OR4A16: variants seen among roughly 807,000 people sequenced by gnomAD.
OR4A16 encodes the protein olfactory receptor 4A16.
For missense variants in OR4A16, 594 were observed against 390.9 expected, an observed-to-expected ratio of 1.52 and a Z score of -4.38; for synonymous variants, 210 against 138.6, an observed-to-expected ratio of 1.51 and a Z score of -3.62.
In OR4A16 at chr11:55,343,399, A is replaced by G. The variant is rs780587336; in HGVS notation, c.199A>G (p.Met67Val). 66 of 1,613,698 alleles carry G rather than the reference A, an allele frequency of 4.1e-5. No homozygotes were observed. The highest frequency in any genetic ancestry group is 5.3e-5 in the Non-Finnish European group (63 of 1,179,838). The change falls in exon 1 of 1, where the codon ATG becomes GTG. Residue 67 changes from methionine (M) to valine (V), a missense_variant. Transcript: ENST00000314721. ...CTTCTTCCTTGCCTACTTGTCACTT[A>G]TGGATGCCATATATTCCACTGCCAT... is the stretch of plus-strand genomic sequence containing the variant. ...MYFFLAYLSL[M>V]DAIYSTAMSP...
rs10896659 is a variant in OR4A16, at chr11:55,344,108, A to T, written c.908A>T (p.Lys303Met). The change falls in exon 1 of 1, where the codon AAG becomes ATG. Residue 303 changes from lysine (K) to methionine (M), a missense_variant. Lys to Met is a moderately conservative substitution (Grantham distance 95, BLOSUM62 -1). Coordinates refer to ENST00000314721, the MANE Select transcript of OR4A16 (RefSeq NM_001005274.1). ...GCTATGAAAAATCTCTGGTGTGAAA[A>T]GTTAAGTATAGTTAGAAAAAGAGTA... ...KNAMKNLWCE[K>M]LSIVRKRVSP... The T allele has an allele frequency of 0.47, 757,663 of 1,607,748 alleles. 182,621 individuals are homozygous for T. Among genetic ancestry groups the T allele is most frequent in the Admixed American group, 0.59 (35,287 of 59,858 alleles).
Position 55,344,081 on chromosome 11 carries a change from A to C in OR4A16, c.881A>C (p.Asn294Thr), listed in dbSNP as rs1158781738. 1.2e-6 allele frequency: 2 copies of C among 1,612,172 alleles called. No homozygotes were observed. The highest frequency in any genetic ancestry group is 4.5e-5 in the East Asian group (2 of 44,670). ...IYSLRQSEMKNAMKNLWCEKL... is the reference protein window; with the variant it reads ...IYSLRQSEMKTAMKNLWCEKL... Reference sequence around the variant, plus strand: ...TCGTTGAGACAATCAGAGATGAAAAATGCTATGAAAAATCTCTGGTGTGAA... The same window carrying C: ...TCGTTGAGACAATCAGAGATGAAAACTGCTATGAAAAATCTCTGGTGTGAA... The change falls in exon 1 of 1, where the codon AAT (asparagine) becomes ACT (threonine). Residue 294 changes from asparagine to threonine, a missense_variant. Physicochemically the swap from Asn to Thr is moderately conservative, Grantham distance 65. Transcript: ENST00000314721.
At position 55,343,344 on chromosome 11, in the gene OR4A16, T is replaced by C; in HGVS notation, c.144T>C (p.Ile48=). ...VGNLLIWVTT[I]GSPSLGSLMY... ...ACCTCCTCATTTGGGTGACTACTAT[T>C]GGCAGCCCCTCCTTGGGCTCCCTAA... The change falls in exon 1 of 1, where the codon ATT becomes ATC. Residue 48 remains isoleucine (I), a synonymous_variant. Coordinates refer to ENST00000314721, the MANE Select transcript of OR4A16 (RefSeq NM_001005274.1). 1 of 1,613,842 alleles carries C rather than the reference T, an allele frequency of 6.2e-7. No homozygotes were observed. The highest frequency in any genetic ancestry group is 8.5e-7 in the Non-Finnish European group (1 of 1,179,844).
Position 55,343,285 on chromosome 11 carries a change from T to A in OR4A16, c.85T>A (p.Phe29Ile), listed in dbSNP as rs76944329. The A allele has an allele frequency of 6.3e-7, 1 of 1,591,542 alleles. No individual in the cohort carries two copies. The highest frequency in any genetic ancestry group is 8.6e-7 in the Non-Finnish European group (1 of 1,163,300). The change falls in exon 1 of 1, where the codon TTT (phenylalanine) becomes ATT (isoleucine). Residue 29 changes from phenylalanine (F) to isoleucine (I), a missense_variant. Coordinates refer to ENST00000314721, the MANE Select transcript of OR4A16 (RefSeq NM_001005274.1). ...TGTGAAAAAAACATTATTTGTCATGTTTTTACTCATATACATTGTGACAAT... is the reference window on the plus strand; with the variant it reads ...TGTGAAAAAAACATTATTTGTCATGATTTTACTCATATACATTGTGACAAT... ...PDVKKTLFVM[F>I]LLIYIVTMVG...
In OR4A16 at chr11:55,343,994, T is replaced by C. The variant is rs745374192; in HGVS notation, c.794T>C (p.Phe265Ser). 5.0e-6 allele frequency: 8 copies of C among 1,613,446 alleles called. No individual in the cohort carries two copies. In the Admixed American group the frequency reaches 6.7e-5, roughly 13 times the overall value. The change falls in exon 1 of 1, where the codon TTT becomes TCT. Residue 265 changes from phenylalanine (F) to serine (S), a missense_variant. Coordinates refer to ENST00000314721, the MANE Select transcript of OR4A16 (RefSeq NM_001005274.1). ...GTTAGACCCGTTTCCAACTTTCCCT[T>C]TGATAAATTAATGACTGTGTTTTAT... ...MYVRPVSNFPFDKLMTVFYSI... is the reference protein window; with the variant it reads ...MYVRPVSNFPSDKLMTVFYSI...
In OR4A16 at chr11:55,343,454, G is replaced by T. The variant is rs142852989; in HGVS notation, c.254G>T (p.Cys85Phe). Residue 85 changes from cysteine to phenylalanine, a missense_variant, in exon 1 of 1, where the codon TGT becomes TTT. Cys to Phe is a radical substitution (Grantham distance 205). Coordinates refer to ENST00000314721, the MANE Select transcript of OR4A16 (RefSeq NM_001005274.1). ...MSPKLMIDLL[C>F]DKIAISLSAC... ...CCCAAATTGATGATAGACTTACTCT[G>T]TGATAAAATCGCTATTTCCTTGTCA... 20,213 of 1,547,526 alleles carry T rather than the reference G, an allele frequency of 0.013. No homozygotes were observed. Among genetic ancestry groups the T allele is most frequent in the African/African-American group, 0.035 (2,534 of 72,634 alleles).
rs201845728 is a variant in OR4A16 at position 55,343,371 on chromosome 11, G to A, written c.171G>A (p.Met57Ile). The A allele has an allele frequency of 2.5e-5, 40 of 1,613,828 alleles. No homozygotes were observed. The highest frequency in any genetic ancestry group is 3.1e-5 in the Non-Finnish European group (36 of 1,179,856). Residue 57 changes from methionine to isoleucine, a missense_variant, in exon 1 of 1, where the codon ATG becomes ATA. Coordinates refer to ENST00000314721, the MANE Select transcript of OR4A16 (RefSeq NM_001005274.1). The stretch of plus-strand genomic sequence containing the variant: ...GCAGCCCCTCCTTGGGCTCCCTAAT[G>A]TACTTCTTCCTTGCCTACTTGTCAC... ...TIGSPSLGSL[M>I]YFFLAYLSLM...
rs748490235 is a variant in OR4A16 at position 55,343,814 on chromosome 11, G to A, written c.614G>A (p.Cys205Tyr). ...LTVVANGGIICMVIFTFLLIS... is the reference protein window; with the variant it reads ...LTVVANGGIIYMVIFTFLLIS... ...GTGGTTGCCAATGGTGGAATAATTT[G>A]TATGGTCATCTTTACCTTTCTGCTA... Residue 205 changes from cysteine (C) to tyrosine (Y), a missense_variant, in exon 1 of 1, where the codon TGT becomes TAT. Physicochemically the swap from Cys to Tyr is radical, Grantham distance 194. Transcript: ENST00000314721. The A allele has an allele frequency of 6.2e-7, 1 of 1,613,708 alleles. No homozygotes were observed. The highest frequency in any genetic ancestry group is 1.7e-5 in the Admixed American group (1 of 59,968).
At position 55,344,061 on chromosome 11, in the gene OR4A16, G is replaced by A; in HGVS notation, c.861G>A (p.Leu287=). The change falls in exon 1 of 1, where the codon TTG becomes TTA. Residue 287 remains leucine, a synonymous_variant. Transcript: ENST00000314721. Reference sequence around the variant, plus strand: ...TGTTGAATCCTTTAATATACTCGTTGAGACAATCAGAGATGAAAAATGCTA... The same window carrying A: ...TGTTGAATCCTTTAATATACTCGTTAAGACAATCAGAGATGAAAAATGCTA... ...TLMLNPLIYS[L]RQSEMKNAMK... is the part of the protein sequence containing the mutation. The A allele has an allele frequency of 6.2e-7, 1 of 1,612,406 alleles. No homozygotes were observed. The highest frequency in any genetic ancestry group is 1.1e-5 in the South Asian group (1 of 91,046).
Position 55,343,797 on chromosome 11 carries a change from C to A in OR4A16, c.597C>A (p.Ala199=). ...DTYFIGLTVV[A]NGGIICMVIF... ...ACTTTATAGGACTCACTGTGGTTGC[C>A]AATGGTGGAATAATTTGTATGGTCA... The change falls in exon 1 of 1, where the codon GCC becomes GCA. Residue 199 remains alanine, a synonymous_variant. Transcript: ENST00000314721. The A allele has an allele frequency of 1.2e-6, 2 of 1,613,748 alleles. No individual in the cohort carries two copies. The highest frequency in any genetic ancestry group is 1.7e-6 in the Non-Finnish European group (2 of 1,179,862).
At position 55,343,846 on chromosome 11, in the gene OR4A16, T is replaced by A; in HGVS notation, c.646T>A (p.Cys216Ser). The change falls in exon 1 of 1, where the codon TGT becomes AGT. Residue 216 changes from cysteine to serine, a missense_variant. Transcript: ENST00000314721. ...CATCTTTACCTTTCTGCTAATCTCC[T>A]GTGGAGTCATCCTAAACTTCCTTAA... ...MVIFTFLLIS[C>S]GVILNFLKTY... 6.2e-7 allele frequency: 1 copy of A among 1,613,818 alleles called. No homozygotes were observed. Among genetic ancestry groups the A allele is most frequent in the Non-Finnish European group, 8.5e-7 (1 of 1,179,886 alleles).
Position 55,343,333 on chromosome 11 carries a change from G to A in OR4A16, c.133G>A (p.Val45Met). The A allele has an allele frequency of 1.2e-6, 2 of 1,613,726 alleles. No homozygotes were observed. Among genetic ancestry groups the A allele is most frequent in the Non-Finnish European group, 1.7e-6 (2 of 1,179,852 alleles). ...AATGGTGGGAAACCTCCTCATTTGG[G>A]TGACTACTATTGGCAGCCCCTCCTT... ...VTMVGNLLIW[V>M]TTIGSPSLGS... is the part of the protein sequence containing the mutation. The change falls in exon 1 of 1, where the codon GTG (valine) becomes ATG (methionine). Residue 45 changes from valine to methionine, a missense_variant. By Grantham distance (21) the Val-to-Met change is conservative. Coordinates refer to ENST00000314721, the MANE Select transcript of OR4A16 (RefSeq NM_001005274.1).
chr11:55,343,239 G>A lies in OR4A16; in HGVS notation c.39G>A (p.Leu13=), dbSNP rs77981146. 14,699 of 1,579,628 alleles carry A rather than the reference G, an allele frequency of 9.3e-3. 1 individual carries two copies. Among genetic ancestry groups the A allele is most frequent in the African/African-American group, 0.03 (2,215 of 73,120 alleles). The part of the protein sequence containing the change: ...PSSNVTEFVL[L]GLTQDPDVKK... ...GCAATGTTACAGAATTTGTCCTCCT[G>A]GGCCTCACTCAAGATCCTGATGTGA... Residue 13 remains leucine (L), a synonymous_variant, in exon 1 of 1, where the codon CTG becomes CTA. Transcript: ENST00000314721.
At position 55,343,293 on chromosome 11, in the gene OR4A16, C is replaced by T. The variant is rs1853448851; in HGVS notation, c.93C>T (p.Leu31=). The change falls in exon 1 of 1, where the codon CTC becomes CTT. Residue 31 remains leucine, a synonymous_variant. Transcript: ENST00000314721. ...VKKTLFVMFL[L]IYIVTMVGNL... The stretch of plus-strand genomic sequence containing the variant: ...AAACATTATTTGTCATGTTTTTACT[C>T]ATATACATTGTGACAATGGTGGGAA... The T allele has an allele frequency of 1.9e-6, 3 of 1,613,500 alleles. No individual in the cohort carries two copies. The highest frequency in any genetic ancestry group is 1.7e-5 in the Admixed American group (1 of 59,948).
Position 55,344,158 on chromosome 11 carries a change from C to G in OR4A16, c.958C>G (p.Pro320Ala), listed in dbSNP as rs78935813. 20 of 1,584,720 alleles carry G rather than the reference C, an allele frequency of 1.3e-5. No homozygotes were observed. Among genetic ancestry groups the G allele is most frequent in the Non-Finnish European group, 8.5e-7 (1 of 1,171,410 alleles). Residue 320 changes from proline (P) to alanine (A), a missense_variant, in exon 1 of 1, where the codon CCT (proline) becomes GCT (alanine). By Grantham distance (27) the Pro-to-Ala change is conservative (BLOSUM62 -1). Coordinates refer to ENST00000314721, the MANE Select transcript of OR4A16 (RefSeq NM_001005274.1). The part of the protein sequence containing the change: ...RVSPTLNIFI[P>A]SSKATNRR ...ATCTCCCACACTGAACATATTTATT[C>G]CTAGTTCTAAGGCAACAAATAGGCG...
Position 55,343,908 on chromosome 11 carries a change from T to G in OR4A16, c.708T>G (p.Pro236=), listed in dbSNP as rs1203508932. The change falls in exon 1 of 1, where the codon CCT becomes CCG. Residue 236 remains proline (P), a synonymous_variant. Coordinates refer to ENST00000314721, the MANE Select transcript of OR4A16 (RefSeq NM_001005274.1). ...AGGAAGAGAGGCATAAAGCCCTGCC[T>G]ACCTGCATCTCCCACATCATTGTGG... ...YSQEERHKAL[P]TCISHIIVVA... 6.2e-7 allele frequency: 1 copy of G among 1,613,824 alleles called. No homozygotes were observed. Among genetic ancestry groups the G allele is most frequent in the South Asian group, 1.1e-5 (1 of 91,078 alleles).
Position 55,343,263 on chromosome 11 carries a change from G to T in OR4A16, c.63G>T (p.Val21=). The T allele has an allele frequency of 6.3e-7, 1 of 1,598,402 alleles. No individual in the cohort carries two copies. The highest frequency in any genetic ancestry group is 8.6e-7 in the Non-Finnish European group (1 of 1,169,456). The part of the protein sequence containing the change: ...VLLGLTQDPD[V]KKTLFVMFLL... ...TGGGCCTCACTCAAGATCCTGATGT[G>T]AAAAAAACATTATTTGTCATGTTTT... The change falls in exon 1 of 1, where the codon GTG becomes GTT. Residue 21 remains valine, a synonymous_variant. Coordinates refer to ENST00000314721, the MANE Select transcript of OR4A16 (RefSeq NM_001005274.1).
rs1853471515 is a variant in OR4A16, at chr11:55,344,026, A to G, written c.826A>G (p.Ile276Val). The change falls in exon 1 of 1, where the codon ATC becomes GTC. Residue 276 changes from isoleucine to valine, a missense_variant. Ile to Val is a conservative substitution (Grantham distance 29). Transcript: ENST00000314721. ...ATTAATGACTGTGTTTTATTCAATT[A>G]TCACACTCATGTTGAATCCTTTAAT... ...DKLMTVFYSI[I>V]TLMLNPLIYS... The G allele has an allele frequency of 6.2e-7, 1 of 1,612,706 alleles. No homozygotes were observed. The highest frequency in any genetic ancestry group is 1.1e-5 in the South Asian group (1 of 91,060).
chr11:55,343,284 GT>G lies in OR4A16; in HGVS notation c.89del (p.Leu30TyrfsTer6), dbSNP rs764229817. 2 of 1,613,502 alleles carry G rather than the reference GT, an allele frequency of 1.2e-6. No individual in the cohort carries two copies. The highest frequency in any genetic ancestry group is 1.1e-5 in the South Asian group (1 of 91,056). On this transcript the variant is annotated frameshift_variant, in exon 1 of 1. Transcript: ENST00000314721. LOFTEE classifies it low-confidence loss of function (END_TRUNC). ...PDVKKTLFVMFLLIYIVTMVG... is the reference protein window; with the variant it reads ...PDVKKTLFVMXLLIYIVTMVG... The stretch of plus-strand genomic sequence containing the variant: ...ATGTGAAAAAAACATTATTTGTCAT[GT>G]TTTTACTCATATACATTGTGACAAT...
Sources: gnomAD v4.1 joint callset for allele counts on GRCh38, gnomAD v4.1.1 for gene constraint, MANE v1.5 for transcripts, NCBI Gene and HGNC (gene_info 2026-07-23, HGNC 2026-07-21) for gene names.